Variants in MRC1 observed in about 807,000 individuals in gnomAD.
The protein encoded by MRC1 is macrophage mannose receptor 1.
MRC1 carries 62 observed loss-of-function variants against 102.9 expected under a neutral mutation model. The observed-to-expected ratio is 0.60, with a 90% CI of 0.49 to 0.74. MRC1 has a LOEUF of 0.74. Among genes scored for constraint, MRC1 ranks in the 30% least tolerant of loss-of-function variants. The pLI, the probability that MRC1 is intolerant of heterozygous loss-of-function variation, is 0.00. For missense variants in MRC1, 1,237 were observed against 862.8 expected (o/e 1.43, Z -5.43); for synonymous variants, 457 against 298.4 (o/e 1.53, Z -5.48).
intron 3 of MRC1, among the ~76,000 whole-genome samples, chr10:17,830,492 C>G (rs1838554195): frequency 6.6e-6 from 1 of 151,398 alleles, no homozygotes; most frequent in African/African-American, 2.5e-5. Context: ...GATGAGGAAC[C>G]AGTTATTAAC....
At chr10:17,814,677 CTTTTTTTTTTTTTT>C (rs1179816829) in intron 1 of MRC1, among the ~76,000 whole-genome samples, 1 of 85,124 alleles carries the variant, frequency 1.2e-5, no homozygotes, top group African/African-American at 4.7e-5. Context: ...TTCCGTCCCT[CTTTTTTTTTTTTTT>C]TTTTTTTTTT....
At position 17,849,755 on chromosome 10, in the gene MRC1, C is replaced by A. The variant is rs1192246940; in HGVS notation, c.1240C>A (p.Leu414Ile). 1.3e-6 allele frequency: 1 copy of A among 780,596 alleles called. No homozygotes were observed. The highest frequency in any genetic ancestry group is 2.4e-6 in the Non-Finnish European group (1 of 417,928). The allele number at this position is 780,596 out of a possible 1,614,324, so 48.4% of individuals were successfully genotyped here. ...IEELDFIISQLGYEPNDELWI... is the reference protein window; with the variant it reads ...IEELDFIISQIGYEPNDELWI... ...GGAATTGGACTTTATTATCTCCCAG[C>A]TAGGATATGGTGAGAAACTTGACAG... Residue 414 changes from leucine (L) to isoleucine (I), a missense_variant, in exon 7 of 30, where the codon CTA (leucine) becomes ATA (isoleucine). Leu to Ile is a conservative substitution (Grantham distance 5). Transcript: ENST00000569591.
At chr10:17,866,268 G>A (rs2130668473) in intron 11 of MRC1, among the ~76,000 whole-genome samples, 2 of 139,994 alleles carry the variant, frequency 1.4e-5, no homozygotes, top group Admixed American at 1.4e-4. Context: ...AACCAGAAAG[G>A]GGAGGAAGGG....
At chr10:17,860,967 C>T (rs1041275344) in intron 9 of MRC1, among the ~76,000 whole-genome samples, 7 of 152,282 alleles carry the variant, frequency 4.6e-5, no homozygotes, top group African/African-American at 1.4e-4. Context: ...GTTCTTTAGA[C>T]ATTCCTATTG....
At chr10:17,826,253 A>G (rs1838473391) in intron 2 of MRC1, among the ~76,000 whole-genome samples, 1 of 151,950 alleles carries the variant, frequency 6.6e-6, no homozygotes, top group Admixed American at 6.6e-5. Context: ...CCCAGGCTGG[A>G]GTACAGTGGC....
At position 17,860,703 on chromosome 10, in the gene MRC1, A is replaced by G. The variant is rs892683115; in HGVS notation, c.1519-684A>G. Among the ~76,000 whole-genome samples the G allele has an allele frequency of 2.4e-3, 372 of 152,324 alleles. 1 individual carries two copies. The highest frequency in any genetic ancestry group is 8.5e-3 in the African/African-American group (355 of 41,592). On this transcript the variant is annotated intron_variant, in intron 9 of 29. Transcript: ENST00000569591. ...TACCCACCTTCTAGTATTGTCTTCC[A>G]TAGGCAACTAGGTTTGCTCTTCCCC...
intron 8 of MRC1, chr10:17,854,599 C>T (rs1833050058): frequency 6.5e-6 from 1 of 152,902 alleles, no homozygotes; most frequent in Admixed American, 6.5e-5. Context: ...AAATGTTACT[C>T]TGGCTAAAGG....
chr10:17,891,865 C>T (rs1361453162), intron 22 of MRC1, among the ~76,000 whole-genome samples: 1 of 152,028 alleles, frequency 6.6e-6, no homozygotes, highest in Non-Finnish European at 1.5e-5. Context: ...TACGGGAGCC[C>T]CAAGGATATG....
chr10:17,909,661 T>C (rs1383126865), intron 29 of MRC1, among the ~76,000 whole-genome samples: 1 of 151,968 alleles, frequency 6.6e-6, no homozygotes, highest in Non-Finnish European at 1.5e-5. Flanking sequence ...TCTTAGAATT[T>C]TTTTTTTGTT....
chr10:17,899,003 G>T (rs1013678694), intron 24 of MRC1, among the ~76,000 whole-genome samples: 8,477 of 152,084 alleles, frequency 0.056, 327 homozygotes, highest in Non-Finnish European at 0.075. Context: ...AGAGAAAAGG[G>T]ACCAGTTGGG....
intron 3 of MRC1, among the ~76,000 whole-genome samples, chr10:17,833,353 T>A (rs1454800154): frequency 6.6e-6 from 1 of 151,826 alleles, no homozygotes; most frequent in Non-Finnish European, 1.5e-5. Context: ...AGACTACATT[T>A]CTGCAAAAAG....
intron 23 of MRC1, among the ~76,000 whole-genome samples, chr10:17,895,532 C>T (rs1297844642): frequency 6.6e-6 from 1 of 151,894 alleles, no homozygotes; most frequent in East Asian, 1.9e-4. Context: ...TCATTTGTGC[C>T]TCATTATTTG....
chr10:17,831,276 C>T (rs1469646072), intron 3 of MRC1, among the ~76,000 whole-genome samples: 1 of 151,124 alleles, frequency 6.6e-6, no homozygotes, highest in Admixed American at 6.6e-5. Context: ...AAATATACCC[C>T]AAATTAGTCT....
intron 5 of MRC1, among the ~76,000 whole-genome samples, chr10:17,844,475 C>G (rs1481079321): frequency 6.6e-6 from 1 of 152,170 alleles, no homozygotes; most frequent in Non-Finnish European, 1.5e-5. Context: ...CCGCCTCAGC[C>G]TCCCAAAGTG....
chr10:17,835,339 C>A (rs1838646684), intron 4 of MRC1, among the ~76,000 whole-genome samples: 1 of 152,172 alleles, frequency 6.6e-6, no homozygotes, highest in Non-Finnish European at 1.5e-5. Context: ...TTTACTTATT[C>A]ATTCATTCCC....
At chr10:17,849,853 C>A (rs1838887293) in intron 7 of MRC1, 89 bp downstream of exon 7, 1 of 645,504 alleles carries the variant, frequency 1.5e-6, no homozygotes, top group East Asian at 2.5e-5. Context: ...TCATAAACAT[C>A]AAATTTAATC....
At chr10:17,895,076 G>T (rs1382256661) in intron 23 of MRC1, among the ~76,000 whole-genome samples, 1 of 152,030 alleles carries the variant, frequency 6.6e-6, no homozygotes, top group Admixed American at 6.6e-5. Context: ...GACTACAGGT[G>T]TGGTGACTTA....
chr10:17,815,791 GT>G (rs1200971838), intron 1 of MRC1, among the ~76,000 whole-genome samples: 3 of 149,936 alleles, frequency 2.0e-5, no homozygotes, highest in South Asian at 2.1e-4. Flanking sequence ...GTAATTCTCT[GT>G]TTTTTTTTCT....
intron 3 of MRC1, among the ~76,000 whole-genome samples, chr10:17,831,830 G>A (rs1267172575): frequency 6.6e-6 from 1 of 151,536 alleles, no homozygotes; most frequent in South Asian, 2.1e-4. Context: ...CATCATATAT[G>A]TGAAAAACTA....
Sources: gnomAD v4.1 joint callset for allele counts (sites outside exome capture counted in the v4.1 genomes callset) on GRCh38, gnomAD v4.1.1 for gene constraint, MANE v1.5 for transcripts, NCBI Gene and HGNC (gene_info 2026-07-23, HGNC 2026-07-21) for gene names.